AHI1: variants seen among roughly 807,000 people sequenced by gnomAD.
AHI1 encodes the protein jouberin.
Under a neutral mutation model 149.3 loss-of-function variants are expected in AHI1, and 123 were observed. The observed-to-expected ratio is 0.82, with a 90% CI of 0.71 to 0.96. The LOEUF (loss-of-function observed/expected upper bound fraction) is 0.96. Ranked by LOEUF, AHI1 falls within the 40% of genes least tolerant of loss-of-function variation. The pLI, the probability that AHI1 is intolerant of heterozygous loss-of-function variation, is 0.00. For synonymous variants in AHI1, 475 were observed against 459.8 expected (o/e 1.03, Z -0.42); for missense variants, 1,439 against 1,422.7 (o/e 1.01, Z -0.18).
intron 20 of AHI1, among the ~76,000 whole-genome samples, chr6:135,421,944 A>T (rs564068511): frequency 6.6e-6 from 1 of 152,198 alleles, no homozygotes; most frequent in Non-Finnish European, 1.5e-5. Context: ...TTAATGACAT[A>T]ATCTTGTATA....
At chr6:135,365,701 G>C (rs899763035) in intron 23 of AHI1, among the ~76,000 whole-genome samples, 3 of 152,192 alleles carry the variant, frequency 2.0e-5, no homozygotes, top group African/African-American at 7.2e-5. Flanking sequence ...ATCAGATCTA[G>C]GAGCTTTTTG....
chr6:135,369,018 C>T (rs565174855), intron 23 of AHI1, among the ~76,000 whole-genome samples: 18 of 152,368 alleles, frequency 1.2e-4, no homozygotes, highest in African/African-American at 4.3e-4. Context: ...CCACTGGCAG[C>T]CCTCCCCAAG....
chr6:135,419,045 C>T (rs1321293047), intron 20 of AHI1, among the ~76,000 whole-genome samples: 2 of 150,786 alleles, frequency 1.3e-5, no homozygotes, highest in African/African-American at 4.9e-5. Context: ...ATAGACTTAA[C>T]ACTTCAATTC....
chr6:135,493,476 T>C (rs1453049044), intron 3 of AHI1, among the ~76,000 whole-genome samples: 1 of 152,204 alleles, frequency 6.6e-6, no homozygotes, highest in African/African-American at 2.4e-5. Flanking sequence ...ACTAAATCCA[T>C]GGAGTAAAAA....
intron 24 of AHI1, among the ~76,000 whole-genome samples, chr6:135,340,281 C>T (rs748222233): frequency 2.6e-5 from 4 of 151,676 alleles, no homozygotes; most frequent in Non-Finnish European, 4.4e-5. Flanking sequence ...CTGAGGCAGG[C>T]GAATTGCCTG....
At chr6:135,364,460 C>T (rs1260362924) in intron 23 of AHI1, among the ~76,000 whole-genome samples, 4 of 150,686 alleles carry the variant, frequency 2.7e-5, no homozygotes, top group African/African-American at 7.4e-5. Flanking sequence ...GGCGGCCAGG[C>T]GGAGACGCTC....
At position 135,496,823 on chromosome 6, in the gene AHI1, T is replaced by A. The variant is rs140057421; in HGVS notation, c.-140+365A>T. Among the ~76,000 whole-genome samples the A allele has an allele frequency of 3.0e-3, 455 of 152,330 alleles. 7 individuals carry two copies. The highest frequency in any genetic ancestry group is 0.014 in the Middle Eastern group (4 of 294). On this transcript the variant is annotated intron_variant, in intron 2 of 28. Transcript: ENST00000265602. ...CTTCATAAGTAAACAAGATTCTAAC[T>A]TCATAAATATTATTCCTCATAAACA...
chr6:135,393,218 C>T (rs752298688), intron 23 of AHI1, among the ~76,000 whole-genome samples: 3 of 151,946 alleles, frequency 2.0e-5, no homozygotes, highest in Non-Finnish European at 2.9e-5. Flanking sequence ...GGTAATCCTT[C>T]TTCCCATTTC....
chr6:135,321,872 G>GCTCACTGCA (rs1786884223), intron 25 of AHI1, among the ~76,000 whole-genome samples: 1 of 152,022 alleles, frequency 6.6e-6, no homozygotes, highest in Non-Finnish European at 1.5e-5. Context: ...CACGATCTTG[G>GCTCACTGCA]CTCACTGCAA....
chr6:135,452,685 G>A (rs770195921), intron 11 of AHI1, among the ~76,000 whole-genome samples: 14 of 151,906 alleles, frequency 9.2e-5, no homozygotes, highest in Non-Finnish European at 1.5e-4. Context: ...TTAACATCCC[G>A]TTGACCTTAG....
At chr6:135,475,419 A>G (rs1441233972) in intron 5 of AHI1, among the ~76,000 whole-genome samples, 1 of 152,250 alleles carries the variant, frequency 6.6e-6, no homozygotes, top group Non-Finnish European at 1.5e-5. Context: ...GTTGTGCTTG[A>G]TAAGAGTGTT....
chr6:135,375,571 G>A (rs1775794268), intron 23 of AHI1, among the ~76,000 whole-genome samples: 1 of 152,140 alleles, frequency 6.6e-6, no homozygotes, highest in African/African-American at 2.4e-5. Context: ...TGCAACATTT[G>A]TACTGCAAAG....
At chr6:135,401,170 G>T (rs1357796339) in intron 22 of AHI1, among the ~76,000 whole-genome samples, 2 of 152,136 alleles carry the variant, frequency 1.3e-5, no homozygotes, top group Admixed American at 6.5e-5. Context: ...CTTGTTAAGT[G>T]TTTCTCTCAG....
intron 20 of AHI1, among the ~76,000 whole-genome samples, chr6:135,420,974 A>C (rs1426151238): frequency 6.6e-6 from 1 of 152,130 alleles, no homozygotes; most frequent in Admixed American, 6.6e-5. Flanking sequence ...TCACTTGAAT[A>C]CTTAAAAGGC....
chr6:135,430,518 A>G (rs1461038867), intron 17 of AHI1, among the ~76,000 whole-genome samples: 1 of 151,890 alleles, frequency 6.6e-6, no homozygotes, highest in Non-Finnish European at 1.5e-5. Context: ...TTTTTCAACT[A>G]CTATCATAAT....
intron 26 of AHI1, chr6:135,301,113 T>C: frequency 3.0e-6 from 3 of 985,364 alleles, no homozygotes; most frequent in Non-Finnish European, 3.6e-6. Flanking sequence ...CATCGGATAC[T>C]TCCTTTAGAA....
At chr6:135,353,079 G>A (rs1013448238) in intron 24 of AHI1, among the ~76,000 whole-genome samples, 5 of 151,752 alleles carry the variant, frequency 3.3e-5, no homozygotes, top group Admixed American at 3.3e-4. Flanking sequence ...ATGCTAATGG[G>A]AAAAAAATCA....
chr6:135,463,171 A>C lies in AHI1; in HGVS notation c.885T>G (p.Asp295Glu), dbSNP rs377628990. 6.2e-7 allele frequency: 1 copy of C among 1,606,012 alleles called. No individual in the cohort carries two copies. The highest frequency in any genetic ancestry group is 8.5e-7 in the Non-Finnish European group (1 of 1,177,640). The part of the protein sequence containing the change: ...MEQSTEDSMQ[D>E]DTKPKPKKTK... The stretch of plus-strand genomic sequence containing the variant: ...TTTTTTTTGGTTTAGGTTTTGTATC[A>C]TCTTGCATGCTGTCTTCTGTGCTTT... Residue 295 changes from aspartate to glutamate, a missense_variant, in exon 8 of 29, where the codon GAT (aspartate) becomes GAG (glutamate). By Grantham distance (45) the Asp-to-Glu change is conservative. Coordinates refer to ENST00000265602, the MANE Select transcript of AHI1 (RefSeq NM_001134831.2).
At chr6:135,438,090 A>G (rs1785681682) in intron 15 of AHI1, among the ~76,000 whole-genome samples, 1 of 152,178 alleles carries the variant, frequency 6.6e-6, no homozygotes, top group Non-Finnish European at 1.5e-5. Context: ...AGTGTTTAAT[A>G]ACCCCTAACC....
Sources: gnomAD v4.1 joint callset for allele counts (sites outside exome capture counted in the v4.1 genomes callset) on GRCh38, gnomAD v4.1.1 for gene constraint, MANE v1.5 for transcripts, NCBI Gene and HGNC (gene_info 2026-07-23, HGNC 2026-07-21) for gene names.